The following ETV1 variants were observed in gnomAD, a reference collection of about 807,000 sequenced individuals.
ETV1 encodes the protein ETS translocation variant 1.
Under a neutral mutation model 62.3 loss-of-function variants are expected in ETV1, and 27 were observed. That is an observed-to-expected ratio of 0.43 (90% CI 0.32 to 0.60). The LOEUF is 0.60. ETV1 is among the 20% of genes least tolerant of loss of function. ETV1 has a pLI of 0.06. For missense variants in ETV1, 605 were observed against 605.8 expected (o/e 1.00, Z 0.01); for synonymous variants, 222 against 199.6 (o/e 1.11, Z -0.94).
intron 6 of ETV1, among the ~76,000 whole-genome samples, chr7:13,973,852 T>C (rs968732133): frequency 2.6e-5 from 4 of 152,190 alleles, no homozygotes; most frequent in Non-Finnish European, 4.4e-5. Flanking sequence ...AATGAGACTA[T>C]ACGTGCAGTT....
At chr7:13,925,275 T>G (rs891266589) in intron 9 of ETV1, among the ~76,000 whole-genome samples, 2 of 152,168 alleles carry the variant, frequency 1.3e-5, no homozygotes, top group African/African-American at 4.8e-5. Context: ...AACACCTTAT[T>G]AATGTACATT....
intron 9 of ETV1, among the ~76,000 whole-genome samples, chr7:13,916,049 T>C (rs1351566818): frequency 6.6e-6 from 1 of 151,980 alleles, no homozygotes; most frequent in Non-Finnish European, 1.5e-5. Context: ...GAACTTCACA[T>C]GAATGTAACA....
intron 6 of ETV1, among the ~76,000 whole-genome samples, chr7:13,957,802 A>C (rs1310154733): frequency 1.3e-5 from 2 of 152,224 alleles, no homozygotes; most frequent in Non-Finnish European, 2.9e-5. Flanking sequence ...AAAAACTAGA[A>C]AAGTATGAAG....
chr7:13,930,472 C>T (rs751705460), intron 9 of ETV1, among the ~76,000 whole-genome samples: 6 of 151,934 alleles, frequency 3.9e-5, no homozygotes, highest in Non-Finnish European at 8.8e-5. Context: ...CAGGCACGTG[C>T]CAGCATGCCC....
intron 6 of ETV1, among the ~76,000 whole-genome samples, chr7:13,949,550 C>T (rs188864978): frequency 1.4e-4 from 22 of 152,230 alleles, no homozygotes; most frequent in Admixed American, 9.8e-4. Flanking sequence ...CTTCCAAGCC[C>T]TCCCCACCCC....
At position 13,963,310 on chromosome 7, in the gene ETV1, G is replaced by A. The variant is rs200293645; in HGVS notation, c.235+14117C>T. Among the ~76,000 whole-genome samples the A allele has an allele frequency of 1.2e-4, 18 of 151,806 alleles. No homozygotes were observed. In the East Asian group the frequency reaches 1.4e-3, roughly 11 times the overall value. The stretch of plus-strand genomic sequence containing the variant: ...ATTTTTCGTTATGAAAAAAAGCCAC[G>A]GTAAGAATTTAACCAACAGGACAAG... On this transcript the variant is annotated intron_variant, in intron 6 of 13. Coordinates refer to ENST00000430479, the MANE Select transcript of ETV1 (RefSeq NM_004956.5).
chr7:13,916,741 C>A lies in ETV1; in HGVS notation c.803-5434G>T, dbSNP rs886652316. On this transcript the variant is annotated intron_variant, in intron 9 of 13. Coordinates refer to ENST00000430479, the MANE Select transcript of ETV1 (RefSeq NM_004956.5). Reference sequence around the variant, plus strand: ...CCCAGGAGTTCAAGACCAGCCTGGGCAATATGGTGAAACCCCATCTCTACC... The same window carrying A: ...CCCAGGAGTTCAAGACCAGCCTGGGAAATATGGTGAAACCCCATCTCTACC... Among the ~76,000 whole-genome samples the A allele has an allele frequency of 2.0e-5, 3 of 152,006 alleles. No individual in the cohort carries two copies. In the East Asian group the frequency reaches 5.8e-4, roughly 29 times the overall value.
intron 5 of ETV1, among the ~76,000 whole-genome samples, chr7:13,982,156 A>G (rs188844977): frequency 8.4e-4 from 128 of 152,190 alleles, no homozygotes; most frequent in African/African-American, 3.0e-3. Flanking sequence ...TTCAATTCCT[A>G]ACTAAAACTG....
In ETV1 at chr7:13,959,916, T is replaced by C. The variant is rs571092010; in HGVS notation, c.235+17511A>G. On this transcript the variant is annotated intron_variant, in intron 6 of 13. Transcript: ENST00000430479. ...AAAAAAAAAAAAAAAAAAAGATCTATTCTCTGGAACCTTTTTTTTTTTAAA... is the reference window on the plus strand; with the variant it reads ...AAAAAAAAAAAAAAAAAAAGATCTACTCTCTGGAACCTTTTTTTTTTTAAA... Among the ~76,000 whole-genome samples, 121 of 148,848 alleles carry C rather than the reference T, an allele frequency of 8.1e-4. 1 individual carries two copies. The highest frequency in any genetic ancestry group is 3.5e-3 in the Middle Eastern group (1 of 288).
rs575695187 is a variant in ETV1, at chr7:13,980,021, G to A, written c.182-2541C>T. On this transcript the variant is annotated intron_variant, in intron 5 of 13. Coordinates refer to ENST00000430479, the MANE Select transcript of ETV1 (RefSeq NM_004956.5). ...GCAAATATACAGAAAATAGCTGCACGATAACAATCTGTAAAGAGTAAGAAT... is the reference window on the plus strand; with the variant it reads ...GCAAATATACAGAAAATAGCTGCACAATAACAATCTGTAAAGAGTAAGAAT... 1.3e-4 allele frequency among the ~76,000 whole-genome samples: 20 copies of A among 152,204 alleles called. No homozygotes were observed. The East Asian group carries it at 3.5e-3, about 26-fold the overall frequency.
rs901279344 is a variant in ETV1 at position 13,913,474 on chromosome 7, A to T, written c.803-2167T>A. Among the ~76,000 whole-genome samples, 5 of 152,260 alleles carry T rather than the reference A, an allele frequency of 3.3e-5. No individual in the cohort carries two copies. In the East Asian group the frequency reaches 7.7e-4, roughly 24 times the overall value. On this transcript the variant is annotated intron_variant, in intron 9 of 13. Coordinates refer to ENST00000430479, the MANE Select transcript of ETV1 (RefSeq NM_004956.5). Reference sequence around the variant, plus strand: ...CATCTGTAAAGTGGGAATAATAATAATAATGACATCCTTAAAAGGGTTGTT... The same window carrying T: ...CATCTGTAAAGTGGGAATAATAATATTAATGACATCCTTAAAAGGGTTGTT...
chr7:13,961,522 C>T (rs1790161415), intron 6 of ETV1, among the ~76,000 whole-genome samples: 1 of 152,114 alleles, frequency 6.6e-6, no homozygotes, highest in East Asian at 1.9e-4. Flanking sequence ...ATTTTTTCTT[C>T]AGGCTGAGCG....
intron 11 of ETV1, among the ~76,000 whole-genome samples, chr7:13,906,944 CT>C (rs1197100015): frequency 6.6e-6 from 1 of 151,864 alleles, no homozygotes; most frequent in Non-Finnish European, 1.5e-5. Context: ...GACTTCTTTG[CT>C]TTTATTGTTA....
intron 4 of ETV1, among the ~76,000 whole-genome samples, chr7:13,987,228 T>A (rs1782628505): frequency 6.6e-6 from 1 of 152,004 alleles, no homozygotes; most frequent in Admixed American, 6.6e-5. Flanking sequence ...ATTTCTACAT[T>A]AATAGGTTTA....
chr7:13,977,602 C>A, intron 5 of ETV1, 122 bp from the exon 6 acceptor site: 1 of 655,282 alleles, frequency 1.5e-6, no homozygotes, highest in South Asian at 2.0e-5. Context: ...TGATTATTTG[C>A]CAATGAGCTC....
At chr7:13,906,264 G>T in intron 12 of ETV1, 166 bp downstream of exon 12, 1 of 487,746 alleles carries the variant, frequency 2.1e-6, no homozygotes, top group Non-Finnish European at 3.5e-6. Flanking sequence ...ATACATTGGT[G>T]ATTTTAAAGG....
At chr7:13,936,907 T>C (rs1786867904) in intron 7 of ETV1, among the ~76,000 whole-genome samples, 1 of 152,008 alleles carries the variant, frequency 6.6e-6, no homozygotes, top group Non-Finnish European at 1.5e-5. Flanking sequence ...CTGGGCGTGG[T>C]GATGCATGTC....
chr7:13,977,370 G>T, intron 6 of ETV1, 57 bp downstream of exon 6: 3 of 1,205,812 alleles, frequency 2.5e-6, no homozygotes, highest in Non-Finnish European at 3.5e-6. Context: ...AGAGAAAGAA[G>T]AAAGAAGGAA....
At chr7:13,954,119 A>C (rs2128475040) in intron 6 of ETV1, among the ~76,000 whole-genome samples, 1 of 152,322 alleles carries the variant, frequency 6.6e-6, no homozygotes, top group South Asian at 2.1e-4. Flanking sequence ...CTAAAAAGGC[A>C]TTTCTAAGAT....
Sources: allele counts gnomAD v4.1 joint callset (sites outside exome capture counted in the v4.1 genomes callset), GRCh38; gene constraint gnomAD v4.1.1; transcripts MANE v1.5; gene names NCBI Gene and HGNC (gene_info 2026-07-23, HGNC 2026-07-21).